The following AP2A1 variants were observed in gnomAD, a reference collection of about 807,000 sequenced individuals.
AP2A1 encodes the protein AP-2 complex subunit alpha-1.
AP2A1 carries 21 observed loss-of-function variants against 107.3 expected under a neutral mutation model. The ratio of observed to expected loss-of-function variants is 0.20; its 90% CI spans 0.14 to 0.28. AP2A1 has a LOEUF of 0.28. AP2A1 is among the 10% of genes least tolerant of loss of function. The pLI is 1.00. For missense variants in AP2A1, 873 were observed against 1,307.7 expected (o/e 0.67, Z 5.13); for synonymous variants, 602 against 564.8 (o/e 1.07, Z -0.93).
chr19:49,780,363 A>G (rs1462480342), intron 1 of AP2A1, among the ~76,000 whole-genome samples: 3 of 152,370 alleles, frequency 2.0e-5, no homozygotes, highest in Non-Finnish European at 2.9e-5. Flanking sequence ...CGAGACCCAA[A>G]TGATGGGAAG....
At chr19:49,773,161 G>C (rs754031931) in intron 1 of AP2A1, among the ~76,000 whole-genome samples, 2 of 152,156 alleles carry the variant, frequency 1.3e-5, no homozygotes, top group Non-Finnish European at 2.9e-5. Context: ...TAAGGAGGGG[G>C]AGAGGTTGAG....
chr19:49,801,880 C>T lies in AP2A1; in HGVS notation c.1944C>T (p.Pro648=). The change falls in exon 14 of 23, where the codon CCC becomes CCT. Residue 648 remains proline, a synonymous_variant. Transcript: ENST00000354293. ...TCAACGGGGGCATGGAGCCCACCCC[C>T]AGCACTGTGGTGAGTCCCCTGGGGT... is the stretch of plus-strand genomic sequence containing the variant. The part of the protein sequence containing the change: ...NDINGGMEPT[P]STVSTPSPSA... 2 of 1,491,488 alleles carry T rather than the reference C, an allele frequency of 1.3e-6. No individual in the cohort carries two copies. Among genetic ancestry groups the T allele is most frequent in the South Asian group, 1.4e-5 (1 of 72,806 alleles). The allele number at this position is 1,491,488 out of a possible 1,614,324, so 92.4% of individuals were successfully genotyped here.
At chr19:49,770,962 C>G (rs2084549909) in intron 1 of AP2A1, among the ~76,000 whole-genome samples, 1 of 152,114 alleles carries the variant, frequency 6.6e-6, no homozygotes, top group Admixed American at 6.6e-5. Flanking sequence ...GGCGATTCTC[C>G]TGCCTCAGCT....
intron 1 of AP2A1, among the ~76,000 whole-genome samples, chr19:49,779,062 C>T (rs60458566): frequency 0.12 from 17,359 of 148,936 alleles, 1,152 homozygotes; most frequent in East Asian, 0.2. Flanking sequence ...TAGGGCTGGG[C>T]GAAGTGGCTC....
In AP2A1 at chr19:49,807,099, CAG is replaced by C. The variant is rs767296732; in HGVS notation, c.*347_*348del. 12 of 1,353,378 alleles carry C rather than the reference CAG, an allele frequency of 8.9e-6. No homozygotes were observed. The East Asian group carries it at 1.4e-4, about 16-fold the overall frequency. 83.8% of individuals were successfully genotyped at this position (1,353,378 alleles called of 1,614,324 possible). A position where few individuals can be genotyped will look rare whatever the true frequency, so the allele number is the denominator to read the frequency against. On this transcript the variant is annotated 3_prime_UTR_variant, in exon 23 of 23. Coordinates refer to ENST00000354293, the MANE Select transcript of AP2A1 (RefSeq NM_130787.3). ...CTGTGTATTATTGTGAGCGAATAAA[CAG>C]AGAGACGCTAACAGCCCCATGTCTG... is the stretch of plus-strand genomic sequence containing the variant.
chr19:49,767,195 G>A lies in AP2A1; in HGVS notation c.62G>A (p.Arg21Gln). 6.2e-7 allele frequency: 1 copy of A among 1,611,786 alleles called. No individual in the cohort carries two copies. Among genetic ancestry groups the A allele is most frequent in the Non-Finnish European group, 8.5e-7 (1 of 1,179,724 alleles). Residue 21 changes from arginine (R) to glutamine (Q), a missense_variant, in exon 1 of 23, where the codon CGG (arginine) becomes CAG (glutamine). Physicochemically the swap from Arg to Gln is conservative, Grantham distance 43 (BLOSUM62 1). Transcript: ENST00000354293. ...RGLAVFISDI[R>Q]NCKSKEAEIK... ...CTCGCGGTGTTCATCTCCGACATCC[G>A]GAACTGTGAGCGCGCGGCCGGGGGA...
chr19:49,784,399 T>G (rs1055858581), intron 4 of AP2A1, among the ~76,000 whole-genome samples: 1 of 150,934 alleles, frequency 6.6e-6, no homozygotes, highest in African/African-American at 2.4e-5. Context: ...GCCACTGCAC[T>G]CTAGCCTGGG....
At chr19:49,768,762 A>G (rs1029174913) in intron 1 of AP2A1, among the ~76,000 whole-genome samples, 3 of 152,032 alleles carry the variant, frequency 2.0e-5, no homozygotes, top group Admixed American at 1.3e-4. Context: ...TGCCTCTGTT[A>G]CCCACCAGGG....
chr19:49,803,217 G>A, intron 17 of AP2A1, 28 bp downstream of exon 17: 1 of 1,613,788 alleles, frequency 6.2e-7, no homozygotes, highest in South Asian at 1.1e-5. Context: ...GTGGGAATGG[G>A]TCGGAGGGAG....
At chr19:49,802,471 A>G (rs778164347) in intron 15 of AP2A1, 3 of 1,514,998 alleles carry the variant, frequency 2.0e-6, no homozygotes, top group Admixed American at 3.6e-5. Context: ...CTCGCTGCCT[A>G]TGTGGAATTG....
In AP2A1 at chr19:49,806,180, G is replaced by A. The variant is rs1233594161; in HGVS notation, c.2717G>A (p.Gly906Glu). 2 of 1,593,472 alleles carry A rather than the reference G, an allele frequency of 1.3e-6. No individual in the cohort carries two copies. Among genetic ancestry groups the A allele is most frequent in the Non-Finnish European group, 1.7e-6 (2 of 1,170,604 alleles). ...NVDPNPENFV[G>E]AGIIQTKALQ... ...GACCCCAACCCTGAGAACTTCGTGGGGGCGGGGATCATCCAGACTAAAGCC... is the reference window on the plus strand; with the variant it reads ...GACCCCAACCCTGAGAACTTCGTGGAGGCGGGGATCATCCAGACTAAAGCC... The change falls in exon 22 of 23, where the codon GGG (glycine) becomes GAG (glutamate). Residue 906 changes from glycine (G) to glutamate (E), a missense_variant. Gly to Glu is a moderately conservative substitution (Grantham distance 98). This residue lies in a region of AP2A1 where 416 missense variants were observed against 473.4 expected (regional missense o/e 0.88). Transcript: ENST00000354293.
In AP2A1 at chr19:49,785,574, G is replaced by A. The variant is rs932886205; in HGVS notation, c.473+2850G>A. On this transcript the variant is annotated intron_variant, in intron 4 of 22. Coordinates refer to ENST00000354293, the MANE Select transcript of AP2A1 (RefSeq NM_130787.3). The surrounding 1 kb of genome is among the most constrained non-coding windows in gnomAD (Gnocchi z 4.1). ...AAGTTGGATTGCAGGGAGTCAGGGC[G>A]GGAGGGAGAGAGATCTGAGAGAGAT... is the stretch of plus-strand genomic sequence containing the variant. 1.3e-5 allele frequency among the ~76,000 whole-genome samples: 2 copies of A among 152,018 alleles called. No individual in the cohort carries two copies. Among genetic ancestry groups the A allele is most frequent in the Admixed American group, 6.6e-5 (1 of 15,244 alleles).
chr19:49,801,748 C>A lies in AP2A1; in HGVS notation c.1812C>A (p.Pro604=). The change falls in exon 14 of 23, where the codon CCC becomes CCA. Residue 604 remains proline, a synonymous_variant. Transcript: ENST00000354293. ...VLATVLEEMP[P]FPERESSILA... ...CCACGGTGCTGGAGGAGATGCCGCC[C>A]TTCCCCGAGCGCGAGTCGTCCATCC... The A allele has an allele frequency of 6.4e-7, 1 of 1,567,952 alleles. No homozygotes were observed.
rs148964829 is a variant in AP2A1, at chr19:49,788,707, C to T, written c.474-3228C>T. ...GCCCAGAGTCAGGGCTCGGGAGATG[C>T]GCGCCGTGACGGAGATGGGAAAGTG... On this transcript the variant is annotated intron_variant, in intron 4 of 22. Coordinates refer to ENST00000354293, the MANE Select transcript of AP2A1 (RefSeq NM_130787.3). The surrounding 1 kb of genome is among the most constrained non-coding windows in gnomAD (Gnocchi z 4.5). Among the ~76,000 whole-genome samples the T allele has an allele frequency of 0.01, 1,459 of 144,300 alleles. 16 individuals are homozygous for T. Among genetic ancestry groups the T allele is most frequent in the African/African-American group, 0.036 (1,392 of 38,688 alleles). 94.7% of individuals were successfully genotyped at this position (144,300 alleles called of 152,430 possible). A position where few individuals can be genotyped will look rare whatever the true frequency, so the allele number is the denominator to read the frequency against.
intron 6 of AP2A1, 48 bp from the exon 7 acceptor site, chr19:49,795,582 G>GGCCCA: frequency 2.9e-6 from 2 of 692,054 alleles, no homozygotes; most frequent in Non-Finnish European, 2.7e-6. Flanking sequence ...GGACCCACGT[G>GGCCCA]CCCCTCCCAC....
At position 49,805,693 on chromosome 19, in the gene AP2A1, A is replaced by T. The variant is rs1439560763; in HGVS notation, c.2501A>T (p.Lys834Met). Residue 834 changes from lysine to methionine, a missense_variant, in exon 20 of 23, where the codon AAG (lysine) becomes ATG (methionine). Physicochemically the swap from Lys to Met is moderately conservative, Grantham distance 95. This residue lies in a region of AP2A1 where 416 missense variants were observed against 473.4 expected (regional missense o/e 0.88). Coordinates refer to ENST00000354293, the MANE Select transcript of AP2A1 (RefSeq NM_130787.3). The stretch of plus-strand genomic sequence containing the variant: ...GGCGCCCCCCAGGCCCTCACCCTGA[A>T]GCTCCCAGTGACCATCAACAAGTTC... ...YGGAPQALTL[K>M]LPVTINKFFQ... The T allele has an allele frequency of 1.3e-6, 2 of 1,567,448 alleles. No individual in the cohort carries two copies. The highest frequency in any genetic ancestry group is 4.8e-5 in the East Asian group (2 of 41,646).
At chr19:49,772,252 T>TTTTTTGTTTTG (rs1568572995) in intron 1 of AP2A1, among the ~76,000 whole-genome samples, 11 of 113,040 alleles carry the variant, frequency 9.7e-5, no homozygotes, top group African/African-American at 3.7e-4. Flanking sequence ...TAGAGTTTTT[T>TTTTTTGTTTTG]TTTTTTTTTT....
chr19:49,797,376 T>TAAA (rs1415201398), intron 7 of AP2A1: 1 of 152,250 alleles, frequency 6.6e-6, no homozygotes, highest in Non-Finnish European at 1.5e-5. Flanking sequence ...CTTGTTTATT[T>TAAA]TCTTCTGAAA....
chr19:49,802,098 G>T lies in AP2A1; in HGVS notation c.2071G>T (p.Ala691Ser). 6.3e-7 allele frequency: 1 copy of T among 1,589,152 alleles called. No individual in the cohort carries two copies. The highest frequency in any genetic ancestry group is 8.5e-7 in the Non-Finnish European group (1 of 1,173,822). The change falls in exon 15 of 23, where the codon GCC (alanine) becomes TCC (serine). Residue 691 changes from alanine (A) to serine (S), a missense_variant. Around this residue, in one of 4 missense-constraint regions of AP2A1, gnomAD observed 416 missense variants for 473.4 expected, o/e 0.88. Coordinates refer to ENST00000354293, the MANE Select transcript of AP2A1 (RefSeq NM_130787.3). ...LLVDVFDGPA[A>S]QPSLGPTPEE... ...GGTGGACGTCTTCGATGGCCCGGCCGCCCAGCCCAGCCTGGGGCCCACCCC... is the reference window on the plus strand; with the variant it reads ...GGTGGACGTCTTCGATGGCCCGGCCTCCCAGCCCAGCCTGGGGCCCACCCC...
Sources: gnomAD v4.1 joint callset for allele counts (sites outside exome capture counted in the v4.1 genomes callset) on GRCh38, gnomAD v4.1.1 for gene constraint, gnomAD v4.1.1 regional missense constraint, Gnocchi (gnomAD v3.1) non-coding constraint, MANE v1.5 for transcripts, NCBI Gene and HGNC (gene_info 2026-07-23, HGNC 2026-07-21) for gene names.